The following SHC4 variants were observed in gnomAD, a reference collection of about 807,000 sequenced individuals.
SHC4 encodes the protein SHC-transforming protein 4.
A neutral mutation model predicts 69.4 loss-of-function variants in SHC4; 41 were observed. That is an observed-to-expected ratio of 0.59 (90% confidence interval 0.46 to 0.77). The LOEUF (loss-of-function observed/expected upper bound fraction) is 0.77, where lower values mean the gene tolerates loss of function less well. Among genes scored for constraint, SHC4 ranks in the 30% least tolerant of loss-of-function variants. The pLI, the probability that SHC4 is intolerant of heterozygous loss-of-function variation, is 0.00. For missense variants in SHC4, 777 were observed against 783.8 expected, an observed-to-expected ratio of 0.99 and a Z score of 0.10; for synonymous variants, 318 against 299.3, an observed-to-expected ratio of 1.06 and a Z score of -0.64.
At chr15:48,826,976 A>G (rs1898701174) in intron 11 of SHC4, among the ~76,000 whole-genome samples, 1 of 152,218 alleles carries the variant, frequency 6.6e-6, no homozygotes, top group African/African-American at 2.4e-5. Context: ...AAGAAATTCA[A>G]TTTTCTTATG....
At chr15:48,958,255 T>C (rs1378085001) in intron 1 of SHC4, among the ~76,000 whole-genome samples, 1 of 152,232 alleles carries the variant, frequency 6.6e-6, no homozygotes, top group Non-Finnish European at 1.5e-5. Flanking sequence ...TCCTGCACAG[T>C]GTGGCCTCTC....
At chr15:48,914,717 A>G (rs1900584064) in intron 2 of SHC4, among the ~76,000 whole-genome samples, 1 of 152,254 alleles carries the variant, frequency 6.6e-6, no homozygotes, top group African/African-American at 2.4e-5. Context: ...AATATAAGTC[A>G]TCTGGTAACT....
chr15:48,828,587 A>G lies in SHC4; in HGVS notation c.1738-2461T>C, dbSNP rs146202455. 2.4e-3 allele frequency among the ~76,000 whole-genome samples: 362 copies of G among 152,300 alleles called. 1 individual carries two copies. The highest frequency in any genetic ancestry group is 8.4e-3 in the African/African-American group (349 of 41,562). The stretch of plus-strand genomic sequence containing the variant: ...TCGAGAAACCTCCAAACTGTGTTCC[A>G]TAGAGGCTGTACAATTTTACACACC... On this transcript the variant is annotated intron_variant, in intron 11 of 11. Coordinates refer to ENST00000332408, the MANE Select transcript of SHC4 (RefSeq NM_203349.4).
At chr15:48,929,431 T>A (rs1375569232) in intron 1 of SHC4, among the ~76,000 whole-genome samples, 1 of 152,250 alleles carries the variant, frequency 6.6e-6, no homozygotes, top group Non-Finnish European at 1.5e-5. Context: ...GATTAGTCAT[T>A]GTTGCTAACT....
chr15:48,931,239 T>C (rs755166218), intron 1 of SHC4, among the ~76,000 whole-genome samples: 5 of 152,206 alleles, frequency 3.3e-5, no homozygotes, highest in Non-Finnish European at 7.3e-5. Context: ...ACTTGGGAAG[T>C]ATTAAAAATT....
intron 2 of SHC4, among the ~76,000 whole-genome samples, chr15:48,913,414 C>G (rs950933324): frequency 7.2e-5 from 11 of 152,128 alleles, no homozygotes; most frequent in African/African-American, 2.7e-4. Context: ...AGCTCCCATG[C>G]AAACCGAAGG....
chr15:48,889,471 C>T (rs1900093514), intron 3 of SHC4, among the ~76,000 whole-genome samples: 1 of 152,212 alleles, frequency 6.6e-6, no homozygotes, highest in Non-Finnish European at 1.5e-5. Flanking sequence ...ATCCTAGTGA[C>T]TCAGGCAAAT....
intron 2 of SHC4, among the ~76,000 whole-genome samples, chr15:48,908,010 G>C (rs1025212339): frequency 6.6e-6 from 1 of 152,104 alleles, no homozygotes; most frequent in Non-Finnish European, 1.5e-5. Context: ...GTAGATAGAA[G>C]GGAAAGTTGA....
At chr15:48,869,615 T>C (rs1252468566) in intron 5 of SHC4, among the ~76,000 whole-genome samples, 2 of 152,222 alleles carry the variant, frequency 1.3e-5, no homozygotes, top group African/African-American at 4.8e-5. Flanking sequence ...CATTTACATA[T>C]GAGGACTCTG....
intron 2 of SHC4, among the ~76,000 whole-genome samples, chr15:48,903,378 C>T (rs75934959): frequency 0.042 from 6,374 of 152,278 alleles, 172 homozygotes; most frequent in South Asian, 0.072. Flanking sequence ...CCGTCTAGCT[C>T]ACTCTTCCCA....
At chr15:48,856,784 A>C (rs1315816268) in intron 7 of SHC4, among the ~76,000 whole-genome samples, 1 of 152,016 alleles carries the variant, frequency 6.6e-6, no homozygotes, top group Non-Finnish European at 1.5e-5. Flanking sequence ...AAAAAAAAAA[A>C]AAAAAACAAG....
intron 1 of SHC4, among the ~76,000 whole-genome samples, chr15:48,959,320 C>T (rs1453764805): frequency 6.6e-6 from 1 of 152,174 alleles, no homozygotes; most frequent in African/African-American, 2.4e-5. Flanking sequence ...TCAATTGAAC[C>T]TATCTCCGCT....
chr15:48,909,352 C>G (rs926728103), intron 2 of SHC4, among the ~76,000 whole-genome samples: 1 of 151,282 alleles, frequency 6.6e-6, no homozygotes, highest in Non-Finnish European at 1.5e-5. Flanking sequence ...TGCTTGGTCA[C>G]TGTTGATATA....
At chr15:48,854,901 C>T (rs1899282808) in intron 8 of SHC4, among the ~76,000 whole-genome samples, 1 of 152,138 alleles carries the variant, frequency 6.6e-6, no homozygotes, top group Admixed American at 6.6e-5. Flanking sequence ...ATTTGTATCT[C>T]AAACCTCAGC....
intron 2 of SHC4, among the ~76,000 whole-genome samples, chr15:48,906,367 G>A (rs1316311461): frequency 1.3e-5 from 2 of 152,110 alleles, no homozygotes; most frequent in Admixed American, 6.5e-5. Flanking sequence ...TCCTTTTGAG[G>A]TGGAAATCTA....
At chr15:48,944,345 G>A (rs1901235065) in intron 1 of SHC4, among the ~76,000 whole-genome samples, 1 of 152,080 alleles carries the variant, frequency 6.6e-6, no homozygotes, top group African/African-American at 2.4e-5. Flanking sequence ...CTGGAAGCCA[G>A]GAGCCCAAGG....
chr15:48,946,884 T>A (rs570991417), intron 1 of SHC4, among the ~76,000 whole-genome samples: 41 of 152,282 alleles, frequency 2.7e-4, no homozygotes, highest in African/African-American at 8.9e-4. Flanking sequence ...TCAGATGGAT[T>A]AACATTTTTT....
intron 3 of SHC4, among the ~76,000 whole-genome samples, chr15:48,885,224 C>T (rs994094119): frequency 6.6e-6 from 1 of 152,008 alleles, no homozygotes; most frequent in African/African-American, 2.4e-5. Flanking sequence ...AACAGGGGGG[C>T]GAGAGGCTGG....
chr15:48,895,369 G>C (rs183266565), intron 2 of SHC4, among the ~76,000 whole-genome samples: 1 of 152,266 alleles, frequency 6.6e-6, no homozygotes, highest in Admixed American at 6.5e-5. Context: ...AAAAAGGAGG[G>C]AGTCCTAGGC....
Sources: gnomAD v4.1 joint callset for allele counts (sites outside exome capture counted in the v4.1 genomes callset) on GRCh38, gnomAD v4.1.1 for gene constraint, MANE v1.5 for transcripts, NCBI Gene and HGNC (gene_info 2026-07-23, HGNC 2026-07-21) for gene names.